Variants in ANAPC4 observed in about 807,000 individuals in gnomAD.
ANAPC4 encodes anaphase-promoting complex subunit 4.
ANAPC4 carries 63 observed loss-of-function variants against 119.8 expected under a neutral mutation model. The observed-to-expected ratio is 0.53, with a 90% CI of 0.43 to 0.65. The LOEUF is 0.65. ANAPC4 is among the 30% of genes least tolerant of loss of function. The pLI, the probability that ANAPC4 is intolerant of heterozygous loss-of-function variation, is 0.00. For missense variants in ANAPC4, 716 were observed against 945.1 expected (o/e 0.76, Z 3.18); for synonymous variants, 283 against 318.6 (o/e 0.89, Z 1.19).
At chr4:25,389,159 A>ATTTTTTTTT in intron 7 of ANAPC4, among the ~76,000 whole-genome samples, 1 of 132,174 alleles carries the variant, frequency 7.6e-6, no homozygotes, top group African/African-American at 2.9e-5. Context: ...CACCCAGCTA[A>ATTTTTTTTT]TTTTTTTTTT....
intron 4 of ANAPC4, among the ~76,000 whole-genome samples, chr4:25,384,742 G>A (rs565454430): frequency 4.0e-5 from 6 of 151,550 alleles, no homozygotes; most frequent in South Asian, 4.2e-4. Flanking sequence ...GGTTGAGGCC[G>A]CAGTGAGCCG....
chr4:25,407,257 T>C lies in ANAPC4; in HGVS notation c.1431+4T>C. 1 of 1,605,468 alleles carries C rather than the reference T, an allele frequency of 6.2e-7. No homozygotes were observed. The highest frequency in any genetic ancestry group is 1.1e-5 in the South Asian group (1 of 89,574). ...TAACGTTGAAAGAGTTGGTCAGGTA[T>C]GGGCTTTGAACTCATTTTAAAACCT... On this transcript the variant is annotated splice_donor_region_variant and intron_variant, in intron 20 of 28. Coordinates refer to ENST00000315368, the MANE Select transcript of ANAPC4 (RefSeq NM_013367.3).
chr4:25,394,970 C>T (rs1474694794), intron 14 of ANAPC4, 65 bp downstream of exon 14: 17 of 1,247,882 alleles, frequency 1.4e-5, no homozygotes, highest in Middle Eastern at 1.9e-4. Context: ...GCCTTCTTTC[C>T]GCCGCCTTTT....
chr4:25,384,945 A>G (rs1721949346), intron 4 of ANAPC4, among the ~76,000 whole-genome samples: 3 of 152,228 alleles, frequency 2.0e-5, no homozygotes, highest in Admixed American at 2.0e-4. Context: ...ATGAGCAATA[A>G]TATTTTGAAA....
intron 2 of ANAPC4, among the ~76,000 whole-genome samples, chr4:25,379,680 A>G (rs542570520): frequency 2.2e-4 from 33 of 152,200 alleles, no homozygotes; most frequent in Admixed American, 3.3e-4. Flanking sequence ...AAGGTATGGC[A>G]GGAGTGGTTT....
At chr4:25,400,430 G>T (rs1722902836) in intron 16 of ANAPC4, among the ~76,000 whole-genome samples, 1 of 152,120 alleles carries the variant, frequency 6.6e-6, no homozygotes, top group African/African-American at 2.4e-5. Context: ...TCCCTTCAAG[G>T]TGCTTTTATT....
intron 12 of ANAPC4, 70 bp from the exon 13 acceptor site, chr4:25,394,601 A>G: frequency 6.8e-7 from 1 of 1,471,658 alleles, no homozygotes; most frequent in Non-Finnish European, 9.2e-7. Context: ...TTCGAAATTT[A>G]AAAGTTGTAA....
Position 25,386,510 on chromosome 4 carries a change from G to A in ANAPC4, c.369-1990G>A, listed in dbSNP as rs193288980. On this transcript the variant is annotated intron_variant, in intron 4 of 28. Coordinates refer to ENST00000315368, the MANE Select transcript of ANAPC4 (RefSeq NM_013367.3). ...TAGACGTGAGCCACCATACCCAGCC[G>A]AAGCTCACCATTTTATATGGCCATG... 4.0e-3 allele frequency among the ~76,000 whole-genome samples: 613 copies of A among 152,176 alleles called. 3 individuals carry two copies. Among genetic ancestry groups the A allele is most frequent in the Non-Finnish European group, 8.0e-3 (541 of 68,000 alleles).
intron 3 of ANAPC4, 81 bp downstream of exon 3, chr4:25,380,560 T>C (rs1022763768): frequency 9.7e-7 from 1 of 1,035,052 alleles, no homozygotes; most frequent in South Asian, 1.9e-5. Context: ...AAAGGATTTA[T>C]TGTTCTTAGT....
At chr4:25,380,174 G>A (rs1392115123) in intron 2 of ANAPC4, among the ~76,000 whole-genome samples, 200 bp from the exon 3 acceptor site, 1 of 152,030 alleles carries the variant, frequency 6.6e-6, no homozygotes, top group Non-Finnish European at 1.5e-5. Context: ...TTAGGTACAG[G>A]GTTAAATTAG....
At position 25,396,825 on chromosome 4, in the gene ANAPC4, GTTTA is replaced by G. The variant is rs1577384601; in HGVS notation, c.1163-15_1163-12del. On this transcript the variant is annotated intron_variant, in intron 15 of 28. Coordinates refer to ENST00000315368, the MANE Select transcript of ANAPC4 (RefSeq NM_013367.3). The stretch of plus-strand genomic sequence containing the variant: ...ACAGTTTACTTATTTGACAAATGAC[GTTTA>G]TTTATTTTTTCCCTTTAGAAGCTAT... The G allele has an allele frequency of 1.9e-6, 3 of 1,608,978 alleles. No individual in the cohort carries two copies. Among genetic ancestry groups the G allele is most frequent in the South Asian group, 1.1e-5 (1 of 90,158 alleles).
intron 21 of ANAPC4, among the ~76,000 whole-genome samples, chr4:25,410,431 A>G (rs1723498004): frequency 6.6e-6 from 1 of 152,194 alleles, no homozygotes; most frequent in Admixed American, 6.5e-5. Context: ...GTCTAACTAA[A>G]CATTTATGGG....
intron 2 of ANAPC4, among the ~76,000 whole-genome samples, chr4:25,379,467 A>G (rs1425546370): frequency 1.3e-5 from 2 of 152,190 alleles, no homozygotes; most frequent in East Asian, 3.8e-4. Flanking sequence ...ATCAAGCATC[A>G]AGGAAGACAC....
rs1204859333 is a variant in ANAPC4 at position 25,380,419 on chromosome 4, C to T, written c.175C>T (p.Pro59Ser). The T allele has an allele frequency of 5.3e-5, 85 of 1,612,494 alleles. No homozygotes were observed. Among genetic ancestry groups the T allele is most frequent in the Non-Finnish European group, 6.8e-5 (80 of 1,179,140 alleles). ...AAGTTTTCATCGAGTTTGGAGTTTTCCACCAAATGAAAATACAGGAAAGGA... is the reference window on the plus strand; with the variant it reads ...AAGTTTTCATCGAGTTTGGAGTTTTTCACCAAATGAAAATACAGGAAAGGA... ...LASFHRVWSF[P>S]PNENTGKEVT... The change falls in exon 3 of 29, where the codon CCA (proline) becomes TCA (serine). Residue 59 changes from proline to serine, a missense_variant. Physicochemically the swap from Pro to Ser is moderately conservative, Grantham distance 74. Around this residue, in one of 3 missense-constraint regions of ANAPC4, gnomAD observed 202 missense variants for 293.5 expected, o/e 0.69. Transcript: ENST00000315368.
At chr4:25,413,519 G>T in intron 21 of ANAPC4, 126 bp from the exon 22 acceptor site, 4 of 602,634 alleles carry the variant, frequency 6.6e-6, no homozygotes, top group East Asian at 3.1e-5. Context: ...ATCCAATGAA[G>T]TGGTCAGTGA....
chr4:25,414,005 G>A, intron 22 of ANAPC4: 1 of 475,202 alleles, frequency 2.1e-6, no homozygotes, highest in Non-Finnish European at 3.7e-6. Context: ...GTTCCCAGAA[G>A]AAATTCATTG....
At chr4:25,386,514 C>T (rs1280862294) in intron 4 of ANAPC4, among the ~76,000 whole-genome samples, 1 of 152,148 alleles carries the variant, frequency 6.6e-6, no homozygotes, top group Non-Finnish European at 1.5e-5. Flanking sequence ...CCAGCCGAAG[C>T]TCACCATTTT....
In ANAPC4 at chr4:25,396,921, A is replaced by C. The variant is rs369541205; in HGVS notation, c.1214+22A>C. 77 of 1,600,320 alleles carry C rather than the reference A, an allele frequency of 4.8e-5. No homozygotes were observed. The African/African-American group carries it at 9.3e-4, about 19-fold the overall frequency. ...TTCAGTAAGTATTGGGAGTACCTGGAATCACTGACCTAAGAATATGTCACT... is the reference window on the plus strand; with the variant it reads ...TTCAGTAAGTATTGGGAGTACCTGGCATCACTGACCTAAGAATATGTCACT... On this transcript the variant is annotated intron_variant, in intron 16 of 28. Transcript: ENST00000315368.
intron 2 of ANAPC4, among the ~76,000 whole-genome samples, chr4:25,379,033 A>G (rs1219962264): frequency 6.6e-6 from 1 of 152,242 alleles, no homozygotes; most frequent in Non-Finnish European, 1.5e-5. Flanking sequence ...TGGTAGAATC[A>G]ATAGACTGTA....
Sources: allele counts gnomAD v4.1 joint callset (sites outside exome capture counted in the v4.1 genomes callset), GRCh38; gene constraint gnomAD v4.1.1; regional missense constraint gnomAD v4.1.1; transcripts MANE v1.5; gene names NCBI Gene and HGNC (gene_info 2026-07-23, HGNC 2026-07-21).